The following FIGNL2 variants were observed in gnomAD, a reference collection of about 807,000 sequenced individuals.
The protein encoded by FIGNL2 is fidgetin-like protein 2.
For missense variants in FIGNL2, 1,060 were observed against 950.2 expected, an observed-to-expected ratio of 1.12 and a Z score of -1.52; for synonymous variants, 565 against 484.0, an observed-to-expected ratio of 1.17 and a Z score of -2.20.
intron 1 of FIGNL2, among the ~76,000 whole-genome samples, chr12:51,825,449 C>T (rs1286799464): frequency 1.3e-5 from 2 of 152,148 alleles, no homozygotes; most frequent in Non-Finnish European, 2.9e-5. Flanking sequence ...AACGAAGATC[C>T]TCTGGCCCTG....
At chr12:51,847,148 G>A in intron 1 of FIGNL2, 1 of 985,412 alleles carries the variant, frequency 1.0e-6, no homozygotes. Flanking sequence ...AGCGGGGAAT[G>A]GCGTCGGTTC....
chr12:51,848,454 C>A, intron 1 of FIGNL2, 86 bp downstream of exon 1: 3 of 981,854 alleles, frequency 3.1e-6, no homozygotes, highest in Non-Finnish European at 3.6e-6. Context: ...CCCTCTCCGG[C>A]CCCGGGCCGG....
chr12:51,822,474 A>C, intron 1 of FIGNL2, 50 bp from the exon 2 acceptor site: 1 of 1,599,036 alleles, frequency 6.3e-7, no homozygotes, highest in East Asian at 2.3e-5. Flanking sequence ...CCGAGGACCC[A>C]GTGGGCCACT....
chr12:51,841,087 C>T (rs1939652710), intron 1 of FIGNL2, among the ~76,000 whole-genome samples: 1 of 152,248 alleles, frequency 6.6e-6, no homozygotes, highest in African/African-American at 2.4e-5. Context: ...TCAGCCCCTC[C>T]TGCCCTCTTC....
intron 1 of FIGNL2, among the ~76,000 whole-genome samples, chr12:51,839,718 C>G (rs1939630147): frequency 6.6e-6 from 1 of 152,220 alleles, no homozygotes. Context: ...CCAGGCACTT[C>G]TGCCCTTCCA....
chr12:51,822,437 G>A lies in FIGNL2; in HGVS notation c.-11-13C>T. 1 of 1,612,608 alleles carries A rather than the reference G, an allele frequency of 6.2e-7. No individual in the cohort carries two copies. Among genetic ancestry groups the A allele is most frequent in the Non-Finnish European group, 8.5e-7 (1 of 1,179,526 alleles). On this transcript the variant is annotated splice_polypyrimidine_tract_variant and intron_variant, in intron 1 of 1. Coordinates refer to ENST00000618634, the MANE Select transcript of FIGNL2 (RefSeq NM_001384995.1). ...ATCTTCAACAGAGCTGCGGGCAAGA[G>A]ACAGGAGGTCTGGTGAGGTCTAGCC...
chr12:51,831,556 CA>C (rs1351656022), intron 1 of FIGNL2, among the ~76,000 whole-genome samples: 1 of 152,202 alleles, frequency 6.6e-6, no homozygotes, highest in Non-Finnish European at 1.5e-5. Context: ...GGCAAGGATA[CA>C]AGGCAGGGAG....
intron 1 of FIGNL2, chr12:51,845,611 TA>T (rs1592197209): frequency 1.0e-6 from 1 of 985,144 alleles, no homozygotes; most frequent in East Asian, 1.1e-4. Flanking sequence ...TTAAATCGGG[TA>T]AAGGAGTCGA....
intron 1 of FIGNL2, among the ~76,000 whole-genome samples, chr12:51,823,052 A>T (rs1250302037): frequency 6.6e-6 from 1 of 152,208 alleles, no homozygotes; most frequent in African/African-American, 2.4e-5. Flanking sequence ...TGCCTTATCC[A>T]TGGGAAACCT....
chr12:51,845,288 C>T (rs370506941), intron 1 of FIGNL2, among the ~76,000 whole-genome samples: 25 of 152,348 alleles, frequency 1.6e-4, no homozygotes, highest in South Asian at 1.4e-3. Context: ...TAACAGATTT[C>T]TTGCTTCTTT....
rs1441733731 is a variant in FIGNL2 at position 51,830,548 on chromosome 12, G to A, written c.-11-8124C>T. Reference sequence around the variant, plus strand: ...ACACTGTCGCATGGGCTGGAGTGCAGTGGTGCGATCTCGGCTCACTGCAAC... The same window carrying A: ...ACACTGTCGCATGGGCTGGAGTGCAATGGTGCGATCTCGGCTCACTGCAAC... On this transcript the variant is annotated intron_variant, in intron 1 of 1. Transcript: ENST00000618634. Among the ~76,000 whole-genome samples, 5 of 142,946 alleles carry A rather than the reference G, an allele frequency of 3.5e-5. No individual in the cohort carries two copies. In the South Asian group the frequency reaches 6.9e-4, roughly 20 times the overall value. 93.8% of individuals were successfully genotyped at this position (142,946 alleles called of 152,430 possible).
At chr12:51,841,743 CAG>C (rs1226107364) in intron 1 of FIGNL2, 1 of 152,266 alleles carries the variant, frequency 6.6e-6, no homozygotes, top group African/African-American at 2.4e-5. Flanking sequence ...CCAGACTCTG[CAG>C]AGAGTGATCA....
chr12:51,830,715 A>T (rs1439425239), intron 1 of FIGNL2, among the ~76,000 whole-genome samples: 3 of 151,702 alleles, frequency 2.0e-5, no homozygotes, highest in South Asian at 2.1e-4. Context: ...CTGGTCTCAA[A>T]CTCCTGACCT....
At chr12:51,844,054 C>T (rs1423858655) in intron 1 of FIGNL2, among the ~76,000 whole-genome samples, 1 of 152,050 alleles carries the variant, frequency 6.6e-6, no homozygotes, top group Admixed American at 6.6e-5. Context: ...AGCGGGTCCC[C>T]AAGGTAGGCT....
chr12:51,821,197 T>A lies in FIGNL2; in HGVS notation c.1217A>T (p.Glu406Val), dbSNP rs1014150435. Residue 406 changes from glutamate to valine, a missense_variant, in exon 2 of 2, where the codon GAG becomes GTG. Coordinates refer to ENST00000618634, the MANE Select transcript of FIGNL2 (RefSeq NM_001384995.1). ...GQGALKAALE[E>V]ELVWPLLRPP... is the part of the protein sequence containing the mutation. ...CCTGAGCAGGGGCCACACCAGCTCCTCCTCCAGCGCCGCCTTGAGCGCGCC... is the reference window on the plus strand; with the variant it reads ...CCTGAGCAGGGGCCACACCAGCTCCACCTCCAGCGCCGCCTTGAGCGCGCC... The A allele has an allele frequency of 6.0e-5, 91 of 1,517,970 alleles. No homozygotes were observed. Among genetic ancestry groups the A allele is most frequent in the Non-Finnish European group, 7.5e-5 (86 of 1,139,960 alleles). 94.0% of individuals were successfully genotyped at this position (1,517,970 alleles called of 1,614,324 possible). A position where few individuals can be genotyped will look rare whatever the true frequency, so the allele number is the denominator to read the frequency against.
rs1241312629 is a variant in FIGNL2, at chr12:51,822,139, G to A, written c.275C>T (p.Ala92Val). 2 of 1,611,148 alleles carry A rather than the reference G, an allele frequency of 1.2e-6. No homozygotes were observed. Among genetic ancestry groups the A allele is most frequent in the East Asian group, 2.2e-5 (1 of 44,776 alleles). ...GYSDASFLNG[A>V]KGDPEPWPGP... Reference sequence around the variant, plus strand: ...TGGCCAGGGCTCGGGATCCCCTTTGGCGCCGTTGAGGAAGGAGGCGTCGCT... The same window carrying A: ...TGGCCAGGGCTCGGGATCCCCTTTGACGCCGTTGAGGAAGGAGGCGTCGCT... Residue 92 changes from alanine to valine, a missense_variant, in exon 2 of 2, where the codon GCC becomes GTC. Ala to Val is a moderately conservative substitution (Grantham distance 64). Coordinates refer to ENST00000618634, the MANE Select transcript of FIGNL2 (RefSeq NM_001384995.1).
intron 1 of FIGNL2, among the ~76,000 whole-genome samples, chr12:51,837,170 A>G (rs1939592630): frequency 1.3e-5 from 2 of 152,112 alleles, no homozygotes; most frequent in South Asian, 4.1e-4. Flanking sequence ...TCTGGGGCAC[A>G]GAGGAATTTG....
chr12:51,842,917 C>T (rs546614389), intron 1 of FIGNL2, among the ~76,000 whole-genome samples: 1 of 152,350 alleles, frequency 6.6e-6, no homozygotes, highest in Non-Finnish European at 1.5e-5. Flanking sequence ...GGTGGCACCA[C>T]ATCAGAAAAT....
chr12:51,847,425 C>T, intron 1 of FIGNL2: 1 of 985,486 alleles, frequency 1.0e-6, no homozygotes, highest in South Asian at 4.7e-5. Flanking sequence ...ACCGCTCCGC[C>T]GCCACAGCCC....
Sources: allele counts gnomAD v4.1 joint callset (sites outside exome capture counted in the v4.1 genomes callset), GRCh38; gene constraint gnomAD v4.1.1; transcripts MANE v1.5; gene names NCBI Gene and HGNC (gene_info 2026-07-23, HGNC 2026-07-21).